The following RBMS3 variants were observed in gnomAD, a reference collection of about 807,000 sequenced individuals.
The protein encoded by RBMS3 is RNA-binding motif, single-stranded-interacting protein 3.
Under a neutral mutation model 66.8 loss-of-function variants are expected in RBMS3, and 27 were observed. The observed-to-expected ratio is 0.40, with a 90% CI of 0.30 to 0.56. The LOEUF (loss-of-function observed/expected upper bound fraction) is 0.56. Ranked by LOEUF, RBMS3 falls within the 20% of genes least tolerant of loss-of-function variation. The pLI, the probability that RBMS3 is intolerant of heterozygous loss-of-function variation, is 0.40. For missense variants in RBMS3, 513 were observed against 549.5 expected (o/e 0.93, Z 0.66); for synonymous variants, 188 against 183.0 (o/e 1.03, Z -0.22).
intron 3 of RBMS3, among the ~76,000 whole-genome samples, chr3:29,571,120 T>C (rs1384902502): frequency 6.6e-6 from 1 of 150,858 alleles, no homozygotes; most frequent in African/African-American, 2.5e-5. Flanking sequence ...GCCATTTGTA[T>C]GTCACCCTTG....
chr3:29,378,164 T>C (rs1221943390), intron 1 of RBMS3, among the ~76,000 whole-genome samples: 1 of 152,024 alleles, frequency 6.6e-6, no homozygotes. Context: ...GACTGTGAAA[T>C]AGAGATAAAA....
At chr3:29,406,331 T>C (rs528801462) in intron 1 of RBMS3, among the ~76,000 whole-genome samples, 1 of 152,332 alleles carries the variant, frequency 6.6e-6, no homozygotes, top group African/African-American at 2.4e-5. Context: ...GGTGGGATGA[T>C]ATTTTTAGTG....
chr3:29,994,654 C>G (rs2125384054), intron 14 of RBMS3, among the ~76,000 whole-genome samples: 1 of 152,348 alleles, frequency 6.6e-6, no homozygotes, highest in East Asian at 1.9e-4. Context: ...CACCCCCCAG[C>G]AGGGGCACAC....
chr3:29,444,788 C>CTTTTTTTTTTTT (rs558839351), intron 2 of RBMS3, among the ~76,000 whole-genome samples: 15 of 50,500 alleles, frequency 3.0e-4, no homozygotes, highest in South Asian at 1.4e-3. Context: ...AAATATATGC[C>CTTTTTTTTTTTT]TTTTTTTTTT....
intron 1 of RBMS3, among the ~76,000 whole-genome samples, chr3:29,424,436 A>C (rs2040862832): frequency 6.6e-6 from 1 of 152,202 alleles, no homozygotes; most frequent in South Asian, 2.1e-4. Flanking sequence ...TAACATATTA[A>C]GGTATAGATG....
intron 1 of RBMS3, among the ~76,000 whole-genome samples, chr3:29,284,869 T>TTC (rs1553626459): frequency 4.3e-5 from 6 of 138,632 alleles, no homozygotes; most frequent in South Asian, 2.1e-4. Context: ...TTTCTTTTTT[T>TTC]TTTTTTTTTT....
chr3:29,996,664 G>T (rs1163128263), intron 14 of RBMS3, among the ~76,000 whole-genome samples: 1 of 151,862 alleles, frequency 6.6e-6, no homozygotes, highest in Non-Finnish European at 1.5e-5. Flanking sequence ...GCTCCTGAAT[G>T]ACTACTGGGT....
In RBMS3 at chr3:29,560,169, G is replaced by A. The variant is rs570403440; in HGVS notation, c.308-26945G>A. 3.5e-4 allele frequency among the ~76,000 whole-genome samples: 54 copies of A among 152,162 alleles called. 1 individual carries two copies. Among genetic ancestry groups the A allele is most frequent in the Non-Finnish European group, 1.9e-4 (13 of 68,028 alleles). ...CTCTTACAGAAACATACAAATACCA[G>A]ATGGAGTTTCCTGCATTTTGAAAGT... On this transcript the variant is annotated intron_variant, in intron 3 of 14. Coordinates refer to ENST00000383767, the MANE Select transcript of RBMS3 (RefSeq NM_001003793.3).
chr3:29,624,365 G>A (rs1450563237), intron 4 of RBMS3, among the ~76,000 whole-genome samples: 1 of 152,154 alleles, frequency 6.6e-6, no homozygotes, highest in Non-Finnish European at 1.5e-5. Flanking sequence ...AAGCTTTGTT[G>A]CTACAAAGTG....
intron 6 of RBMS3, among the ~76,000 whole-genome samples, chr3:29,783,245 C>T (rs537394505): frequency 1.6e-4 from 24 of 152,082 alleles, no homozygotes; most frequent in Non-Finnish European, 2.9e-4. Context: ...GGCACATTGT[C>T]ATCGGGTTAT....
intron 4 of RBMS3, among the ~76,000 whole-genome samples, chr3:29,689,387 T>C (rs559409733): frequency 3.9e-5 from 6 of 152,258 alleles, no homozygotes; most frequent in Admixed American, 3.9e-4. Flanking sequence ...TTAAAGTACA[T>C]AAATGTACTT....
intron 4 of RBMS3, among the ~76,000 whole-genome samples, chr3:29,619,269 TAAA>T (rs71628528): frequency 1.5e-5 from 2 of 133,674 alleles, no homozygotes; most frequent in Admixed American, 1.5e-4. Context: ...GTATTTTATG[TAAA>T]AAAAAAAAAA....
intron 1 of RBMS3, among the ~76,000 whole-genome samples, chr3:29,432,549 T>C (rs2041248371): frequency 6.6e-6 from 1 of 152,166 alleles, no homozygotes; most frequent in African/African-American, 2.4e-5. Flanking sequence ...CCATTTTTTA[T>C]TATATATATA....
chr3:29,364,126 G>T (rs2037766302), intron 1 of RBMS3, among the ~76,000 whole-genome samples: 1 of 152,018 alleles, frequency 6.6e-6, no homozygotes, highest in African/African-American at 2.4e-5. Flanking sequence ...AAAGTGAGGG[G>T]GAGGGGCGAT....
At chr3:29,666,940 C>A (rs2050788626) in intron 4 of RBMS3, among the ~76,000 whole-genome samples, 1 of 152,042 alleles carries the variant, frequency 6.6e-6, no homozygotes, top group African/African-American at 2.4e-5. Flanking sequence ...CTATTAAGTT[C>A]AAGGATTATC....
At chr3:29,587,957 G>T (rs2047592083) in intron 4 of RBMS3, among the ~76,000 whole-genome samples, 1 of 151,888 alleles carries the variant, frequency 6.6e-6, no homozygotes, top group Admixed American at 6.6e-5. Context: ...GTGGTTACAA[G>T]AATCTATACC....
chr3:29,378,498 A>C (rs987709057), intron 1 of RBMS3, among the ~76,000 whole-genome samples: 3 of 71,478 alleles, frequency 4.2e-5, no homozygotes, highest in African/African-American at 1.3e-4. Context: ...AAAAAAAAAA[A>C]CAAAAAACAA....
At chr3:29,617,768 T>C (rs2048719147) in intron 4 of RBMS3, among the ~76,000 whole-genome samples, 2 of 152,218 alleles carry the variant, frequency 1.3e-5, no homozygotes, top group African/African-American at 4.8e-5. Context: ...CTTCCAGCTC[T>C]AAAATTCTAT....
chr3:29,699,577 G>A (rs962014595), intron 4 of RBMS3, among the ~76,000 whole-genome samples: 19 of 152,232 alleles, frequency 1.2e-4, no homozygotes, highest in Admixed American at 5.2e-4. Context: ...CTCTAAAAGC[G>A]TAGGAAATTA....
Sources: allele counts gnomAD v4.1 joint callset (sites outside exome capture counted in the v4.1 genomes callset), GRCh38; gene constraint gnomAD v4.1.1; transcripts MANE v1.5; gene names NCBI Gene and HGNC (gene_info 2026-07-23, HGNC 2026-07-21).